The following ITPR3 variants were observed in gnomAD, a reference collection of about 807,000 sequenced individuals.
ITPR3 encodes the protein inositol 1,4,5-trisphosphate-gated calcium channel ITPR3.
In ITPR3, 173 loss-of-function variants were observed where a neutral mutation model predicts 293.2. The observed-to-expected ratio is 0.59, with a 90% CI of 0.52 to 0.67. The LOEUF is 0.67. ITPR3 is among the 30% of genes least tolerant of loss of function. The probability of loss-of-function intolerance (pLI) is 0.00; values close to 1 mark genes in which losing one functional copy is unlikely to be tolerated. For synonymous variants in ITPR3, 1,295 were observed against 1,444.4 expected, an observed-to-expected ratio of 0.90 and a Z score of 2.35; for missense variants, 2,796 against 3,592.1, an observed-to-expected ratio of 0.78 and a Z score of 5.66.
At chr6:33,668,858 T>C in intron 17 of ITPR3, 116 bp from the exon 18 acceptor site, 2 of 1,216,264 alleles carry the variant, frequency 1.6e-6, no homozygotes, top group Non-Finnish European at 2.3e-6. Flanking sequence ...GAGATGCATA[T>C]GGTCTCTCTG....
chr6:33,659,722 C>T (rs1294401397), intron 7 of ITPR3, among the ~76,000 whole-genome samples, 173 bp downstream of exon 7: 2 of 152,186 alleles, frequency 1.3e-5, no homozygotes, highest in East Asian at 3.9e-4. Context: ...CCTACCAGGG[C>T]TGCCGCTTCT....
chr6:33,642,895 C>G (rs1289339445), intron 2 of ITPR3, among the ~76,000 whole-genome samples: 1 of 152,246 alleles, frequency 6.6e-6, no homozygotes, highest in Non-Finnish European at 1.5e-5. Flanking sequence ...AGAGGCCCCT[C>G]TGGACTCCCT....
Position 33,623,689 on chromosome 6 carries a change from TC to T in ITPR3, c.89+2001del, listed in dbSNP as rs1271408895. ...TCCCCTGCCCTTGTGCAGGCCTCAC[TC>T]CCTCACAAAGGATTCCCTCTGTTGC... On this transcript the variant is annotated intron_variant, in intron 1 of 57. Coordinates refer to ENST00000605930, the MANE Select transcript of ITPR3 (RefSeq NM_002224.4). Among the ~76,000 whole-genome samples, 5 of 152,244 alleles carry T rather than the reference TC, an allele frequency of 3.3e-5. No individual in the cohort carries two copies. The East Asian group carries it at 5.8e-4, about 18-fold the overall frequency.
At position 33,657,913 on chromosome 6, in the gene ITPR3, T is replaced by C. The variant is rs753725957; in HGVS notation, c.283-19T>C. 14 of 1,611,580 alleles carry C rather than the reference T, an allele frequency of 8.7e-6. No homozygotes were observed. The East Asian group carries it at 2.9e-4, about 33-fold the overall frequency. Reference sequence around the variant, plus strand: ...GCAGCTTCTGAGCCCACCCTTCACTTCTGTGTGTGTCTGTGCAGCATGCGG... The same window carrying C: ...GCAGCTTCTGAGCCCACCCTTCACTCCTGTGTGTGTCTGTGCAGCATGCGG... On this transcript the variant is annotated intron_variant, in intron 3 of 57. Transcript: ENST00000605930.
intron 23 of ITPR3, 98 bp from the exon 24 acceptor site, chr6:33,674,110 G>T: frequency 7.0e-7 from 1 of 1,419,404 alleles, no homozygotes; most frequent in East Asian, 2.3e-5. Context: ...CTGCTGTGCA[G>T]CCAGTGCAGG....
intron 28 of ITPR3, 96 bp from the exon 29 acceptor site, chr6:33,678,325 C>T: frequency 6.5e-7 from 1 of 1,538,150 alleles, no homozygotes; most frequent in Non-Finnish European, 8.8e-7. Flanking sequence ...GTCCCAGTCC[C>T]AAGCCCGACC....
At position 33,680,438 on chromosome 6, in the gene ITPR3, C is replaced by T. The variant is rs1765040511; in HGVS notation, c.4334C>T (p.Thr1445Ile). 1 of 1,613,570 alleles carries T rather than the reference C, an allele frequency of 6.2e-7. No homozygotes were observed. The highest frequency in any genetic ancestry group is 1.3e-5 in the African/African-American group (1 of 75,080). ...ATCTGGACGCTCTTTGAGAACTTCA[C>T]CCTGGACATGGCCCGGGTCTGTCCC... Reference protein sequence around the residue: ...NHIWTLFENFTLDMARVCSKR... With the variant: ...NHIWTLFENFILDMARVCSKR... Residue 1445 changes from threonine (T) to isoleucine (I), a missense_variant, in exon 32 of 58, where the codon ACC becomes ATC. Around this residue, in one of 8 missense-constraint regions of ITPR3, gnomAD observed 344 missense variants for 460.3 expected, o/e 0.75. Coordinates refer to ENST00000605930, the MANE Select transcript of ITPR3 (RefSeq NM_002224.4).
chr6:33,686,282 G>A, intron 42 of ITPR3, 29 bp downstream of exon 42: 1 of 1,608,670 alleles, frequency 6.2e-7, no homozygotes, highest in Non-Finnish European at 8.5e-7. Context: ...ATAAGTGGCA[G>A]CCAGGGTGGC....
Position 33,621,455 on chromosome 6 carries a change from C to A in ITPR3, c.-148C>A, listed in dbSNP as rs531768153. 1.9e-6 allele frequency: 1 copy of A among 522,756 alleles called. No homozygotes were observed. Among genetic ancestry groups the A allele is most frequent in the Admixed American group, 4.2e-5 (1 of 23,952 alleles). 32.4% of individuals were successfully genotyped at this position (522,756 alleles called of 1,614,324 possible). On this transcript the variant is annotated 5_prime_UTR_variant, in exon 1 of 58. Transcript: ENST00000605930. This position sits in a 1 kb window ranked among gnomAD's most constrained non-coding sequence, Gnocchi z 7.7. The stretch of plus-strand genomic sequence containing the variant: ...CGAGCCGCCTCCTGGCTCCCGTGGC[C>A]GCCAGCCCGCCCCGGCCGCACCGAG...
In ITPR3 at chr6:33,664,774, TG is replaced by T; in HGVS notation, c.1149-94del. The T allele has an allele frequency of 1.0e-6, 1 of 971,530 alleles. No individual in the cohort carries two copies. The highest frequency in any genetic ancestry group is 1.6e-6 in the Non-Finnish European group (1 of 626,858). 60.2% of individuals were successfully genotyped at this position (971,530 alleles called of 1,614,324 possible). On this transcript the variant is annotated intron_variant, in intron 11 of 57. Transcript: ENST00000605930. This position sits in a 1 kb window ranked among gnomAD's most constrained non-coding sequence, Gnocchi z 4.4. Reference sequence around the variant, plus strand: ...CAGCTGTTGAGGGTGTGGAGTAGGGTGGCAGCTGTGGCAGTGTTGGGGAGGT... The same window carrying T: ...CAGCTGTTGAGGGTGTGGAGTAGGGTGCAGCTGTGGCAGTGTTGGGGAGGT...
At position 33,669,173 on chromosome 6, in the gene ITPR3, C is replaced by T. The variant is rs1582139595; in HGVS notation, c.2189+17C>T. On this transcript the variant is annotated intron_variant, in intron 18 of 57. Transcript: ENST00000605930. ...CTACTACAGGTGCCCCGCCCCAGCTCCTCCCCTCCCTCTTCCTGTGCCTTT... is the reference window on the plus strand; with the variant it reads ...CTACTACAGGTGCCCCGCCCCAGCTTCTCCCCTCCCTCTTCCTGTGCCTTT... 1 of 1,608,604 alleles carries T rather than the reference C, an allele frequency of 6.2e-7. No individual in the cohort carries two copies. The highest frequency in any genetic ancestry group is 8.5e-7 in the Non-Finnish European group (1 of 1,177,408).
Position 33,654,561 on chromosome 6 carries a change from A to G in ITPR3, c.161-1205A>G, listed in dbSNP as rs1764263664. ...TTTTTCTTTGGTCCCTTGGGACTGGATGACCAGCTTTGACCAGAGAAAAGA... is the reference window on the plus strand; with the variant it reads ...TTTTTCTTTGGTCCCTTGGGACTGGGTGACCAGCTTTGACCAGAGAAAAGA... On this transcript the variant is annotated intron_variant, in intron 2 of 57. Transcript: ENST00000605930. This position sits in a 1 kb window ranked among gnomAD's most constrained non-coding sequence, Gnocchi z 4.1. Among the ~76,000 whole-genome samples, 1 of 152,136 alleles carries G rather than the reference A, an allele frequency of 6.6e-6. No individual in the cohort carries two copies. Among genetic ancestry groups the G allele is most frequent in the African/African-American group, 2.4e-5 (1 of 41,410 alleles).
intron 55 of ITPR3, 132 bp downstream of exon 55, chr6:33,693,025 TC>T: frequency 1.2e-6 from 1 of 863,750 alleles, no homozygotes; most frequent in Non-Finnish European, 1.8e-6. Flanking sequence ...ATGCATTTGC[TC>T]ATCCCAGAAC....
At chr6:33,646,966 C>A (rs987969389) in intron 2 of ITPR3, among the ~76,000 whole-genome samples, 1 of 152,090 alleles carries the variant, frequency 6.6e-6, no homozygotes, top group African/African-American at 2.4e-5. Context: ...ATATTGTGGA[C>A]AACCATGAGA....
intron 57 of ITPR3, 107 bp downstream of exon 57, chr6:33,695,192 C>G (rs1765507656): frequency 1.6e-6 from 2 of 1,281,314 alleles, no homozygotes; most frequent in Non-Finnish European, 1.1e-6. Context: ...GCCTCTGGCC[C>G]TGGGCCTGGA....
At chr6:33,635,880 G>C (rs1763809834) in intron 1 of ITPR3, among the ~76,000 whole-genome samples, 2 of 151,990 alleles carry the variant, frequency 1.3e-5, no homozygotes. Flanking sequence ...AGAGATGTGA[G>C]GGGGTGGACC....
Position 33,672,351 on chromosome 6 carries a change from C to T in ITPR3, c.2928+123C>T, listed in dbSNP as rs1764792099. The T allele has an allele frequency of 1.2e-5, 10 of 833,876 alleles. No individual in the cohort carries two copies. Among genetic ancestry groups the T allele is most frequent in the South Asian group, 1.1e-4 (6 of 55,378 alleles). 51.7% of individuals were successfully genotyped at this position (833,876 alleles called of 1,614,324 possible). On this transcript the variant is annotated intron_variant, in intron 22 of 57. Coordinates refer to ENST00000605930, the MANE Select transcript of ITPR3 (RefSeq NM_002224.4). This position sits in a 1 kb window ranked among gnomAD's most constrained non-coding sequence, Gnocchi z 5.0. ...AGTATTTAGTACTGGAAGTCTCCAT[C>T]GTGACTGGCTGTCAGGCCCAGCGGT... is the stretch of plus-strand genomic sequence containing the variant.
chr6:33,689,008 C>T (rs950354472), intron 49 of ITPR3, among the ~76,000 whole-genome samples: 8 of 152,192 alleles, frequency 5.3e-5, no homozygotes, highest in Non-Finnish European at 1.2e-4. Flanking sequence ...CATGCAGGCA[C>T]GTGCACACGC....
chr6:33,639,505 TC>T (rs1763900333), intron 1 of ITPR3, among the ~76,000 whole-genome samples: 1 of 152,072 alleles, frequency 6.6e-6, no homozygotes, highest in Non-Finnish European at 1.5e-5. Context: ...GATTCGGTTT[TC>T]TCCTCAGTAA....
Sources: gnomAD v4.1 joint callset for allele counts (sites outside exome capture counted in the v4.1 genomes callset) on GRCh38, gnomAD v4.1.1 for gene constraint, gnomAD v4.1.1 regional missense constraint, Gnocchi (gnomAD v3.1) non-coding constraint, MANE v1.5 for transcripts, NCBI Gene and HGNC (gene_info 2026-07-23, HGNC 2026-07-21) for gene names.